RAC1: variants seen among roughly 807,000 people sequenced by gnomAD.
RAC1 encodes the protein ras-related C3 botulinum toxin substrate 1.
RAC1 carries 2 observed loss-of-function variants against 25.2 expected under a neutral mutation model. That is an observed-to-expected ratio of 0.08 (90% CI 0.03 to 0.25). The LOEUF (loss-of-function observed/expected upper bound fraction) is 0.25. RAC1 is among the 10% of genes least tolerant of loss of function. The pLI is 1.00. For synonymous variants in RAC1, 88 were observed against 94.0 expected (o/e 0.94, Z 0.37); for missense variants, 50 against 235.7 (o/e 0.21, Z 5.16).
At chr7:6,392,098 T>G in intron 3 of RAC1, 57 bp downstream of exon 3, 4 of 1,608,382 alleles carry the variant, frequency 2.5e-6, no homozygotes, top group Non-Finnish European at 3.4e-6. Context: ...TCTCGAGCGC[T>G]TAATTAGTGC....
intron 3 of RAC1, among the ~76,000 whole-genome samples, chr7:6,392,587 T>G (rs1332994045): frequency 1.3e-5 from 2 of 152,218 alleles, no homozygotes; most frequent in Admixed American, 6.5e-5. Context: ...AAAAGTTTAC[T>G]TTTGCTTCTG....
At chr7:6,398,678 G>A in intron 3 of RAC1, 1 of 1,613,896 alleles carries the variant, frequency 6.2e-7, no homozygotes, top group Non-Finnish European at 8.5e-7. Flanking sequence ...GAAACGTACG[G>A]TAAGGATATA....
chr7:6,392,079 G>C, intron 3 of RAC1, 38 bp downstream of exon 3: 1 of 1,612,078 alleles, frequency 6.2e-7, no homozygotes. Flanking sequence ...GTCTTTTAGA[G>C]TATATAATTC....
chr7:6,376,207 G>A (rs1361325767), intron 1 of RAC1, among the ~76,000 whole-genome samples: 3 of 103,264 alleles, frequency 2.9e-5, no homozygotes, highest in African/African-American at 1.2e-4. Flanking sequence ...TTTTGAGACG[G>A]AGTTTCACTC....
chr7:6,382,962 G>T (rs1782813157), intron 1 of RAC1, among the ~76,000 whole-genome samples: 2 of 152,184 alleles, frequency 1.3e-5, no homozygotes, highest in South Asian at 2.1e-4. Context: ...CAGGGCAGGG[G>T]AAGCACAGAT....
In RAC1 at chr7:6,403,808, T is replaced by C. The variant is rs1410817951; in HGVS notation, c.*1362T>C. The C allele has an allele frequency of 4.6e-6, 1 of 216,690 alleles. No individual in the cohort carries two copies. Among genetic ancestry groups the C allele is most frequent in the Non-Finnish European group, 9.3e-6 (1 of 107,436 alleles). 13.4% of individuals were successfully genotyped at this position (216,690 alleles called of 1,614,324 possible). On this transcript the variant is annotated 3_prime_UTR_variant, in exon 6 of 6. Coordinates refer to ENST00000348035, the MANE Select transcript of RAC1 (RefSeq NM_006908.5). ...AGTGCTGACGATGTTCTGTACAACTTAACTCACTGGCGAGAATACAGCGTG... is the reference window on the plus strand; with the variant it reads ...AGTGCTGACGATGTTCTGTACAACTCAACTCACTGGCGAGAATACAGCGTG...
At chr7:6,379,312 T>C (rs371840777) in intron 1 of RAC1, among the ~76,000 whole-genome samples, 29 of 149,586 alleles carry the variant, frequency 1.9e-4, no homozygotes, top group African/African-American at 6.4e-4. Flanking sequence ...TTCGCCCTTT[T>C]TGCAAAGGTT....
chr7:6,402,257 G>A (rs1282402702), intron 5 of RAC1, 59 bp from the exon 6 acceptor site: 122 of 1,541,694 alleles, frequency 7.9e-5, no homozygotes, highest in Non-Finnish European at 8.2e-5. Context: ...CCCGCTGGTG[G>A]TGTGATCAGA....
chr7:6,381,030 G>A (rs969474095), intron 1 of RAC1, among the ~76,000 whole-genome samples: 3 of 151,720 alleles, frequency 2.0e-5, no homozygotes, highest in Admixed American at 6.6e-5. Flanking sequence ...CACCATGCCT[G>A]GCTAATTTTT....
chr7:6,390,048 TC>T (rs1554263511), intron 2 of RAC1, among the ~76,000 whole-genome samples: 7 of 123,574 alleles, frequency 5.7e-5, no homozygotes, highest in Non-Finnish European at 1.2e-4. Context: ...CTTCCCTCCT[TC>T]CTTCTCCTTT....
chr7:6,400,353 G>T (rs1010032303), intron 4 of RAC1, among the ~76,000 whole-genome samples, 165 bp downstream of exon 4: 7 of 151,738 alleles, frequency 4.6e-5, no homozygotes, highest in Admixed American at 3.9e-4. Flanking sequence ...TGAGACGGAG[G>T]TCTCACTCTG....
intron 1 of RAC1, among the ~76,000 whole-genome samples, chr7:6,384,423 T>C (rs765839635): frequency 2.6e-5 from 4 of 152,190 alleles, no homozygotes; most frequent in African/African-American, 4.8e-5. Flanking sequence ...CCAAGTAGGA[T>C]CTAGTCCCCA....
intron 3 of RAC1, chr7:6,398,616 T>C (rs923304898): frequency 6.5e-7 from 1 of 1,538,552 alleles, no homozygotes. Context: ...ATTTTTGTTG[T>C]CCTCAGTCTG....
chr7:6,396,820 G>T (rs1432895020), intron 3 of RAC1, among the ~76,000 whole-genome samples: 1 of 152,148 alleles, frequency 6.6e-6, no homozygotes. Context: ...CACGAGGTCA[G>T]GAGATCGAGA....
intron 1 of RAC1, among the ~76,000 whole-genome samples, chr7:6,380,506 C>T (rs1474728260): frequency 6.6e-6 from 1 of 152,122 alleles, no homozygotes; most frequent in East Asian, 1.9e-4. Context: ...AACTTTCTGT[C>T]TTTTTGCATT....
intron 3 of RAC1, among the ~76,000 whole-genome samples, chr7:6,396,679 C>A (rs535252562): frequency 8.5e-5 from 13 of 152,190 alleles, no homozygotes; most frequent in African/African-American, 2.9e-4. Flanking sequence ...CAACAGTAGC[C>A]CATAGATGAA....
At chr7:6,390,605 AAAT>A (rs1254826489) in intron 2 of RAC1, among the ~76,000 whole-genome samples, 11 of 151,742 alleles carry the variant, frequency 7.2e-5, no homozygotes, top group Admixed American at 6.6e-5. Context: ...CTCAAAAAAA[AAAT>A]AATAATAATA....
At chr7:6,380,377 A>G (rs1782731026) in intron 1 of RAC1, among the ~76,000 whole-genome samples, 1 of 107,646 alleles carries the variant, frequency 9.3e-6, no homozygotes, top group South Asian at 2.6e-4. Context: ...AATTATACAT[A>G]ATGTGTGTGT....
At chr7:6,394,688 G>T (rs543834321) in intron 3 of RAC1, among the ~76,000 whole-genome samples, 46 of 151,960 alleles carry the variant, frequency 3.0e-4, no homozygotes, top group African/African-American at 1.1e-3. Flanking sequence ...TGTTGTTGTT[G>T]TTGTTGTTTG....
Sources: allele counts gnomAD v4.1 joint callset (sites outside exome capture counted in the v4.1 genomes callset), GRCh38; gene constraint gnomAD v4.1.1; transcripts MANE v1.5; gene names NCBI Gene and HGNC (gene_info 2026-07-23, HGNC 2026-07-21).